The following STK33 variants were observed in gnomAD, a reference collection of about 807,000 sequenced individuals.
STK33 encodes the protein serine/threonine kinase 33.
In STK33, 52 loss-of-function variants were observed where a neutral mutation model predicts 58.0. That is an observed-to-expected ratio of 0.90 (90% CI 0.72 to 1.13). The LOEUF is 1.13. Among genes scored for constraint, STK33 ranks in the 50% most tolerant of loss-of-function variants. STK33 has a pLI of 0.00. For synonymous variants in STK33, 215 were observed against 200.1 expected, an observed-to-expected ratio of 1.07 and a Z score of -0.63; for missense variants, 630 against 604.2, an observed-to-expected ratio of 1.04 and a Z score of -0.45.
chr11:8,355,289 T>C, the STK33 span, among the ~76,000 whole-genome samples: 3 of 152,254 alleles, frequency 2.0e-5, no homozygotes, highest in African/African-American at 7.2e-5. Context: ...GGGTGACTGA[T>C]AACCACAGAG....
chr11:8,413,654 T>C lies in STK33; in HGVS notation c.1185A>G (p.Leu395=), dbSNP rs753038178. The part of the protein sequence containing the change: ...KLSSVRPTNV[L]EMMKEWKNNP... ...TATTTTTCCATTCCTTCATCATCTC[T>C]AATACATTGGTTGGTCTCACCGAAG... Residue 395 remains leucine, a synonymous_variant, in exon 15 of 16, where the codon TTA becomes TTG. Coordinates refer to ENST00000687296, the MANE Select transcript of STK33 (RefSeq NM_001352389.2). 1.2e-6 allele frequency: 2 copies of C among 1,614,008 alleles called. No individual in the cohort carries two copies. Among genetic ancestry groups the C allele is most frequent in the East Asian group, 2.2e-5 (1 of 44,878 alleles).
intron 1 of STK33, among the ~76,000 whole-genome samples, chr11:8,536,962 A>C: frequency 7.3e-6 from 1 of 137,398 alleles, no homozygotes; most frequent in East Asian, 2.1e-4. Context: ...AAAAAAAAAA[A>C]AAAAAAAAGA....
the STK33 span, among the ~76,000 whole-genome samples, chr11:8,367,729 A>G: frequency 2.0e-5 from 3 of 152,222 alleles, no homozygotes; most frequent in Non-Finnish European, 4.4e-5. Context: ...GAGGAAAATG[A>G]GTTCTAGAGA....
chr11:8,395,133 A>G (rs1027264815), intron 15 of STK33, among the ~76,000 whole-genome samples: 2 of 152,030 alleles, frequency 1.3e-5, no homozygotes, highest in African/African-American at 4.8e-5. Flanking sequence ...GCAATTTCCT[A>G]TGGTTCAATC....
At chr11:8,461,189 C>T (rs780794675) in intron 8 of STK33, among the ~76,000 whole-genome samples, 16 of 152,266 alleles carry the variant, frequency 1.1e-4, no homozygotes, top group East Asian at 1.9e-4. Context: ...ACAGTCCATA[C>T]GCCTAATCCG....
intron 8 of STK33, among the ~76,000 whole-genome samples, chr11:8,459,502 T>G (rs958342526): frequency 3.3e-5 from 5 of 152,086 alleles, no homozygotes; most frequent in Non-Finnish European, 7.4e-5. Context: ...TCTTCCTACC[T>G]GAAACAACTT....
At chr11:8,537,775 A>C (rs1011128163) in intron 1 of STK33, among the ~76,000 whole-genome samples, 1 of 149,984 alleles carries the variant, frequency 6.7e-6, no homozygotes, top group African/African-American at 2.5e-5. Context: ...ATGCCACTGC[A>C]CTCCAGCCTG....
chr11:8,349,389 G>A, the STK33 span, among the ~76,000 whole-genome samples: 1 of 152,158 alleles, frequency 6.6e-6, no homozygotes, highest in Non-Finnish European at 1.5e-5. Flanking sequence ...GCCTAGTATA[G>A]AGTTAGTTCG....
chr11:8,488,397 G>C (rs999623526), intron 1 of STK33, among the ~76,000 whole-genome samples: 1 of 151,992 alleles, frequency 6.6e-6, no homozygotes, highest in Non-Finnish European at 1.5e-5. Flanking sequence ...AGGGCTATAT[G>C]CATGCACAGG....
chr11:8,355,086 C>T, the STK33 span, among the ~76,000 whole-genome samples: 1 of 152,262 alleles, frequency 6.6e-6, no homozygotes, highest in Admixed American at 6.5e-5. Flanking sequence ...GCTTCTGAGG[C>T]TTGAACAAGG....
chr11:8,358,810 G>A, the STK33 span, among the ~76,000 whole-genome samples: 381 of 152,288 alleles, frequency 2.5e-3, 5 homozygotes, highest in Admixed American at 0.022. Flanking sequence ...TGAGGAATGG[G>A]ATATTTACAC....
chr11:8,448,096 AAGG>A (rs1228934650), intron 11 of STK33, among the ~76,000 whole-genome samples: 2 of 152,234 alleles, frequency 1.3e-5, no homozygotes, highest in Admixed American at 6.5e-5. Context: ...GGAACTCTTC[AAGG>A]AGAACTACAA....
downstream of STK33, among the ~76,000 whole-genome samples, chr11:8,388,754 A>G (rs1435039042): frequency 6.6e-6 from 1 of 152,124 alleles, no homozygotes; most frequent in African/African-American, 2.4e-5. Context: ...TGGCTGTCAC[A>G]GTGAAGTGTT....
the STK33 span, among the ~76,000 whole-genome samples, chr11:8,368,280 C>T: frequency 6.6e-6 from 1 of 152,188 alleles, no homozygotes; most frequent in African/African-American, 2.4e-5. Flanking sequence ...CCTGTGTCCC[C>T]AGTTTCCTCA....
At chr11:8,386,884 G>T (rs61572716), downstream of STK33, among the ~76,000 whole-genome samples, 1,819 of 152,250 alleles carry the variant, frequency 0.012, 44 homozygotes, top group African/African-American at 0.041. Flanking sequence ...CTAACCCCCA[G>T]CTGCCCTGAG....
chr11:8,506,463 C>G (rs956614869), intron 1 of STK33, among the ~76,000 whole-genome samples: 6 of 152,128 alleles, frequency 3.9e-5, no homozygotes, highest in Non-Finnish European at 8.8e-5. Context: ...TAACAGCCTC[C>G]CTGGGCTAAA....
chr11:8,404,227 A>G (rs1938669866), intron 15 of STK33, among the ~76,000 whole-genome samples: 1 of 152,256 alleles, frequency 6.6e-6, no homozygotes, highest in Admixed American at 6.5e-5. Flanking sequence ...TGGAGTCAAC[A>G]GAAATGAAAT....
the STK33 span, among the ~76,000 whole-genome samples, chr11:8,365,016 G>C: frequency 6.6e-6 from 1 of 151,324 alleles, no homozygotes; most frequent in Non-Finnish European, 1.5e-5. Flanking sequence ...GAGTCACAGT[G>C]TCATGATTGG....
chr11:8,500,698 A>G (rs1951450800), intron 1 of STK33, among the ~76,000 whole-genome samples: 1 of 152,194 alleles, frequency 6.6e-6, no homozygotes, highest in Non-Finnish European at 1.5e-5. Flanking sequence ...TAAAGTTCAT[A>G]TGAAAATGAA....
Sources: gnomAD v4.1 joint callset for allele counts (sites outside exome capture counted in the v4.1 genomes callset) on GRCh38, gnomAD v4.1.1 for gene constraint, MANE v1.5 for transcripts, NCBI Gene and HGNC (gene_info 2026-07-23, HGNC 2026-07-21) for gene names.